The following STRN3 variants were observed in gnomAD, a reference collection of about 807,000 sequenced individuals.
The protein encoded by STRN3 is striatin-3.
A neutral mutation model predicts 95.6 loss-of-function variants in STRN3; 29 were observed. That is an observed-to-expected ratio of 0.30 (90% CI 0.23 to 0.41). STRN3 has a LOEUF of 0.41. STRN3 is among the 10% of genes least tolerant of loss of function. The pLI is 1.00. For synonymous variants in STRN3, 331 were observed against 357.6 expected (o/e 0.93, Z 0.84); for missense variants, 890 against 972.1 (o/e 0.92, Z 1.12).
chr14:31,014,931 G>C (rs1416855574), intron 1 of STRN3, among the ~76,000 whole-genome samples: 1 of 151,692 alleles, frequency 6.6e-6, no homozygotes, highest in Non-Finnish European at 1.5e-5. Context: ...AGGTTCAAGC[G>C]ATTCTCCTGC....
intron 14 of STRN3, 129 bp downstream of exon 14, chr14:30,906,748 C>A: frequency 9.5e-7 from 1 of 1,052,480 alleles, no homozygotes; most frequent in Non-Finnish European, 1.3e-6. Context: ...AAAGTTTATC[C>A]TAACTTTTAC....
At chr14:30,993,880 CTTT>C (rs201135781) in intron 1 of STRN3, among the ~76,000 whole-genome samples, 16 of 138,722 alleles carry the variant, frequency 1.2e-4, no homozygotes, top group Non-Finnish European at 3.1e-5. Context: ...GGGTTTCTTT[CTTT>C]TTTTTTTTTA....
At chr14:30,915,709 AAG>A (rs2139002359) in intron 9 of STRN3, among the ~76,000 whole-genome samples, 1 of 152,322 alleles carries the variant, frequency 6.6e-6, no homozygotes, top group African/African-American at 2.4e-5. Context: ...ATTTGTTTCT[AAG>A]AGAAGTCAGA....
chr14:30,996,342 C>T (rs761633508), intron 1 of STRN3, among the ~76,000 whole-genome samples: 1 of 152,176 alleles, frequency 6.6e-6, no homozygotes, highest in Non-Finnish European at 1.5e-5. Context: ...AATGTTAAAA[C>T]TTCCACTGGT....
chr14:30,956,122 A>C lies in STRN3; in HGVS notation c.386+17T>G. ...ATTGTTCTACTTTATTCATGTAACA[A>C]AATGAGGCACACATACCTTTCTTGT... is the stretch of plus-strand genomic sequence containing the variant. On this transcript the variant is annotated intron_variant, in intron 2 of 17. Coordinates refer to ENST00000357479, the MANE Select transcript of STRN3 (RefSeq NM_001083893.2). The C allele has an allele frequency of 6.2e-7, 1 of 1,601,714 alleles. No individual in the cohort carries two copies. The highest frequency in any genetic ancestry group is 1.1e-5 in the South Asian group (1 of 90,826).
intron 8 of STRN3, among the ~76,000 whole-genome samples, chr14:30,920,302 T>C (rs1896848057): frequency 6.6e-6 from 1 of 152,156 alleles, no homozygotes; most frequent in Admixed American, 6.5e-5. Flanking sequence ...GTAGTCTGAA[T>C]TTCCTAACTA....
intron 1 of STRN3, among the ~76,000 whole-genome samples, chr14:31,015,208 G>C (rs1368036245): frequency 6.6e-6 from 1 of 152,144 alleles, no homozygotes; most frequent in East Asian, 1.9e-4. Context: ...TACCAGGAAG[G>C]CTGCTTCAGA....
chr14:31,013,859 CAATTT>C (rs1883088287), intron 1 of STRN3, among the ~76,000 whole-genome samples: 1 of 108,204 alleles, frequency 9.2e-6, no homozygotes, highest in Admixed American at 9.4e-5. Flanking sequence ...CTTCTCAAAG[CAATTT>C]TATTATTATT....
At chr14:30,907,645 G>A (rs1345096039) in intron 13 of STRN3, among the ~76,000 whole-genome samples, 2 of 152,166 alleles carry the variant, frequency 1.3e-5, no homozygotes, top group Non-Finnish European at 2.9e-5. Flanking sequence ...CCAGGCTGGA[G>A]TACAGTGGCA....
intron 3 of STRN3, among the ~76,000 whole-genome samples, chr14:30,954,020 C>T (rs774306910): frequency 6.6e-5 from 10 of 152,178 alleles, no homozygotes; most frequent in African/African-American, 9.7e-5. Flanking sequence ...CCAATGTCGA[C>T]GAATTCTAGT....
chr14:30,996,056 T>C (rs1243625895), intron 1 of STRN3, among the ~76,000 whole-genome samples: 4 of 152,212 alleles, frequency 2.6e-5, no homozygotes, highest in South Asian at 2.1e-4. Flanking sequence ...GAGCTTTTTG[T>C]TGTAGCCTGT....
At position 30,989,138 on chromosome 14, in the gene STRN3, GT is replaced by G. The variant is rs371817313; in HGVS notation, c.283-32897del. 5.7e-3 allele frequency among the ~76,000 whole-genome samples: 867 copies of G among 152,282 alleles called. 3 individuals are homozygous for G. Among genetic ancestry groups the G allele is most frequent in the African/African-American group, 0.02 (828 of 41,552 alleles). ...CATCCACAGAAAGTAGTCTGGTCAA[GT>G]TCAAGATAAAGAGAGGGGTCAGTTA... On this transcript the variant is annotated intron_variant, in intron 1 of 17. Coordinates refer to ENST00000357479, the MANE Select transcript of STRN3 (RefSeq NM_001083893.2).
intron 1 of STRN3, among the ~76,000 whole-genome samples, chr14:31,019,714 C>A (rs117092855): frequency 2.0e-5 from 3 of 151,716 alleles, no homozygotes; most frequent in African/African-American, 7.3e-5. Flanking sequence ...AATTTTCTTA[C>A]CTTTTTTGAA....
Position 30,902,726 on chromosome 14 carries a change from T to C in STRN3, c.2030-83A>G, listed in dbSNP as rs1352450346. On this transcript the variant is annotated intron_variant, in intron 15 of 17. Transcript: ENST00000357479. ...AATGGCCTTTTTAATCGTGCTAAAA[T>C]ATAAAAATCATTAAAAACTAAACCT... The C allele has an allele frequency of 4.5e-6, 4 of 888,850 alleles. No individual in the cohort carries two copies. In the East Asian group the frequency reaches 8.0e-5, roughly 18 times the overall value. 55.1% of individuals were successfully genotyped at this position (888,850 alleles called of 1,614,324 possible).
chr14:30,920,676 T>C (rs1363312565), intron 8 of STRN3, among the ~76,000 whole-genome samples: 1 of 152,200 alleles, frequency 6.6e-6, no homozygotes, highest in Non-Finnish European at 1.5e-5. Context: ...TTCAATCTTA[T>C]GAATTACTAC....
In STRN3 at chr14:30,947,088, A is replaced by C; in HGVS notation, c.716+2T>G. On this transcript the variant is annotated splice_donor_variant, in intron 5 of 17. Coordinates refer to ENST00000357479, the MANE Select transcript of STRN3 (RefSeq NM_001083893.2). LOFTEE classifies it high-confidence loss of function. ...ATAAACTATGTTAAGTATAAATCATACCTTTTTATTTCTTGTCCCTTTTGC... is the reference window on the plus strand; with the variant it reads ...ATAAACTATGTTAAGTATAAATCATCCCTTTTTATTTCTTGTCCCTTTTGC... The C allele has an allele frequency of 6.3e-7, 1 of 1,584,134 alleles. No homozygotes were observed. Among genetic ancestry groups the C allele is most frequent in the Non-Finnish European group, 8.6e-7 (1 of 1,167,522 alleles).
intron 9 of STRN3, among the ~76,000 whole-genome samples, chr14:30,914,454 G>A (rs1896684930): frequency 6.6e-6 from 1 of 152,086 alleles, no homozygotes; most frequent in South Asian, 2.1e-4. Context: ...CTAGGTTCAA[G>A]CAATTCTCCT....
At chr14:30,911,863 A>C (rs1355154366) in intron 11 of STRN3, 39 bp from the exon 12 acceptor site, 1 of 1,585,458 alleles carries the variant, frequency 6.3e-7, no homozygotes, top group African/African-American at 1.4e-5. Context: ...AGAGAAGGCA[A>C]TTAAATAACT....
intron 14 of STRN3, 98 bp downstream of exon 14, chr14:30,906,779 C>CT: frequency 7.9e-7 from 1 of 1,272,284 alleles, no homozygotes; most frequent in South Asian, 1.8e-5. Flanking sequence ...CAATATATCT[C>CT]TTTGGAACAG....
Sources: gnomAD v4.1 joint callset for allele counts (sites outside exome capture counted in the v4.1 genomes callset) on GRCh38, gnomAD v4.1.1 for gene constraint, MANE v1.5 for transcripts, NCBI Gene and HGNC (gene_info 2026-07-23, HGNC 2026-07-21) for gene names.